HMOX2: variants seen among roughly 807,000 people sequenced by gnomAD.
The protein encoded by HMOX2 is heme oxygenase (decycling) 2.
Under a neutral mutation model 33.7 loss-of-function variants are expected in HMOX2, and 30 were observed. The observed-to-expected ratio is 0.89, with a 90% CI of 0.67 to 1.21. The LOEUF (loss-of-function observed/expected upper bound fraction) is 1.21, where lower values mean the gene tolerates loss of function less well. Ranked by LOEUF, HMOX2 falls within the 50% of genes most tolerant of loss-of-function variation. HMOX2 has a pLI of 0.00. For missense variants in HMOX2, 403 were observed against 399.1 expected, an observed-to-expected ratio of 1.01 and a Z score of -0.08; for synonymous variants, 155 against 155.0, an observed-to-expected ratio of 1.00 and a Z score of 0.00.
At position 4,507,773 on chromosome 16, in the gene HMOX2, A is replaced by G; in HGVS notation, c.265A>G (p.Lys89Glu). Residue 89 changes from lysine to glutamate, a missense_variant, in exon 4 of 6, where the codon AAG becomes GAG. Lys to Glu is a moderately conservative substitution (Grantham distance 56, BLOSUM62 1). Transcript: ENST00000570646. ...SALEEEMERN[K>E]DHPAFAPLYF... ...CCTCGAGGAGGAAATGGAGCGCAAC[A>G]AGGACCATCCAGCCTTTGCCCCTTT... 1.2e-6 allele frequency: 2 copies of G among 1,614,160 alleles called. No homozygotes were observed. Among genetic ancestry groups the G allele is most frequent in the Non-Finnish European group, 8.5e-7 (1 of 1,180,018 alleles).
chr16:4,503,388 C>T (rs2058608756), intron 1 of HMOX2, among the ~76,000 whole-genome samples: 1 of 152,204 alleles, frequency 6.6e-6, no homozygotes, highest in African/African-American at 2.4e-5. Flanking sequence ...ATACTCTTCC[C>T]TGCATGTAAT....
chr16:4,503,726 G>T (rs890227244), intron 1 of HMOX2, among the ~76,000 whole-genome samples: 4 of 152,200 alleles, frequency 2.6e-5, no homozygotes, highest in African/African-American at 9.6e-5. Context: ...AGCAAACCAT[G>T]TACTATAATA....
intron 1 of HMOX2, among the ~76,000 whole-genome samples, chr16:4,488,232 A>G (rs1032847584): frequency 2.6e-5 from 4 of 151,946 alleles, no homozygotes; most frequent in Non-Finnish European, 5.9e-5. Flanking sequence ...CTTTTTTCTA[A>G]AGCTATTCAT....
upstream of HMOX2, among the ~76,000 whole-genome samples, chr16:4,475,351 CTGG>C (rs548683014): frequency 0.034 from 5,203 of 151,796 alleles, 302 homozygotes; most frequent in African/African-American, 0.12. Context: ...GTGGCCCAGG[CTGG>C]AGTGCAGTGG....
intron 1 of HMOX2, among the ~76,000 whole-genome samples, chr16:4,487,226 T>G (rs922861615): frequency 6.6e-6 from 1 of 151,704 alleles, no homozygotes; most frequent in Non-Finnish European, 1.5e-5. Context: ...CCAGTGCACT[T>G]CAGCTTGAGC....
At chr16:4,483,315 G>A (rs529681938) in intron 1 of HMOX2, among the ~76,000 whole-genome samples, 5 of 151,952 alleles carry the variant, frequency 3.3e-5, no homozygotes, top group East Asian at 3.9e-4. Context: ...GTCCCCTGAG[G>A]TTAAGGGGGT....
intron 1 of HMOX2, chr16:4,496,249 G>C (rs1004204854): frequency 1.3e-5 from 2 of 152,476 alleles, no homozygotes; most frequent in African/African-American, 4.9e-5. Context: ...TCAGCCTCCT[G>C]TGTAGCTGGG....
chr16:4,483,242 C>G (rs1284302162), intron 1 of HMOX2, among the ~76,000 whole-genome samples: 9 of 145,396 alleles, frequency 6.2e-5, no homozygotes, highest in African/African-American at 2.3e-4. Flanking sequence ...GGCTTCATTA[C>G]AAAGGCATAA....
intron 4 of HMOX2, 28 bp from the exon 5 acceptor site, chr16:4,509,384 T>C: frequency 6.2e-7 from 1 of 1,601,962 alleles, no homozygotes; most frequent in Non-Finnish European, 8.5e-7. Flanking sequence ...AGCCCAAAGA[T>C]GGCTCAGTCG....
chr16:4,486,265 G>A (rs1316434883), intron 1 of HMOX2, among the ~76,000 whole-genome samples: 2 of 152,188 alleles, frequency 1.3e-5, no homozygotes, highest in East Asian at 1.9e-4. Flanking sequence ...TAAACAAACA[G>A]CCTTTTACCA....
intron 3 of HMOX2, among the ~76,000 whole-genome samples, chr16:4,507,258 A>T (rs2058716934): frequency 6.6e-6 from 1 of 152,128 alleles, no homozygotes; most frequent in African/African-American, 2.4e-5. Flanking sequence ...CAGCCTGGCC[A>T]ACATGGTGAA....
Sources: allele counts gnomAD v4.1 joint callset (sites outside exome capture counted in the v4.1 genomes callset), GRCh38; gene constraint gnomAD v4.1.1; transcripts MANE v1.5; gene names NCBI Gene and HGNC (gene_info 2026-07-23, HGNC 2026-07-21).